The following CFAP65 variants were observed in gnomAD, a reference collection of about 807,000 sequenced individuals.
CFAP65 encodes cilia- and flagella-associated protein 65.
CFAP65 carries 155 observed loss-of-function variants against 208.0 expected under a neutral mutation model. That is an observed-to-expected ratio of 0.75 (90% CI 0.65 to 0.85). CFAP65 has a LOEUF of 0.85. CFAP65 is among the 40% of genes least tolerant of loss of function. The pLI, the probability that CFAP65 is intolerant of heterozygous loss-of-function variation, is 0.00. For synonymous variants in CFAP65, 970 were observed against 986.3 expected, an observed-to-expected ratio of 0.98 and a Z score of 0.31; for missense variants, 2,294 against 2,451.3, an observed-to-expected ratio of 0.94 and a Z score of 1.36.
Position 219,038,511 on chromosome 2 carries a change from G to A in CFAP65, c.221C>T (p.Ser74Phe). 1.2e-6 allele frequency: 2 copies of A among 1,614,182 alleles called. No individual in the cohort carries two copies. The change falls in exon 4 of 35, where the codon TCC (serine) becomes TTC (phenylalanine). Residue 74 changes from serine to phenylalanine, a missense_variant. This residue lies in a region of CFAP65 where 867 missense variants were observed against 1,012.6 expected (regional missense o/e 0.86). Coordinates refer to ENST00000341552, the MANE Select transcript of CFAP65 (RefSeq NM_194302.4). ...CCTGCTGTTCCTGGACCTCACGACG[G>A]AGCTTGGAGCCTGGGTGAGCATCAT... ...KDMMLTQAPS[S>F]VVRSRNSRNH...
At position 219,023,280 on chromosome 2, in the gene CFAP65, C is replaced by T. The variant is rs957357519; in HGVS notation, c.2747G>A (p.Arg916Lys). 2 of 1,613,210 alleles carry T rather than the reference C, an allele frequency of 1.2e-6. No homozygotes were observed. The highest frequency in any genetic ancestry group is 1.3e-5 in the African/African-American group (1 of 74,942). Reference sequence around the variant, plus strand: ...CAGCTTTCGATGCTGCTCAGAGACCCTCCACTCGAACTGCAGGGGCAGACG... The same window carrying T: ...CAGCTTTCGATGCTGCTCAGAGACCTTCCACTCGAACTGCAGGGGCAGACG... ...PSRLPLQFEW[R>K]VSEQHRKLLA... Residue 916 changes from arginine (R) to lysine (K), a missense_variant, in exon 16 of 35, where the codon AGG (arginine) becomes AAG (lysine). Arg to Lys is a conservative substitution (Grantham distance 26). Coordinates refer to ENST00000341552, the MANE Select transcript of CFAP65 (RefSeq NM_194302.4).
At position 219,013,849 on chromosome 2, in the gene CFAP65, T is replaced by C. The variant is rs775476097; in HGVS notation, c.3779+19A>G. 1.3e-6 allele frequency: 2 copies of C among 1,565,224 alleles called. No individual in the cohort carries two copies. Among genetic ancestry groups the C allele is most frequent in the Non-Finnish European group, 8.7e-7 (1 of 1,154,034 alleles). On this transcript the variant is annotated intron_variant, in intron 22 of 34. Transcript: ENST00000341552. ...CCTCTATGACTGGAAGTGCAGGGGG[T>C]TTGGGGGGTGGGGAACACCTGTATT...
Position 219,013,297 on chromosome 2 carries a change from TG to T in CFAP65, c.3918del (p.Phe1306LeufsTer26). 6.2e-7 allele frequency: 1 copy of T among 1,614,028 alleles called. No homozygotes were observed. The highest frequency in any genetic ancestry group is 8.5e-7 in the Non-Finnish European group (1 of 1,179,948). ...YVHFTSTTHQ[F>X]IPIPIGDTLP... ...AGCGTGTCACCAATGGGAATGGGGA[TG>T]AACTGGTGGGTAGTAGAGGTGAAGT... On this transcript the variant is annotated frameshift_variant, in exon 24 of 35. Coordinates refer to ENST00000341552, the MANE Select transcript of CFAP65 (RefSeq NM_194302.4). LOFTEE classifies it high-confidence loss of function.
rs111955935 is a variant in CFAP65, at chr2:219,010,784, G to A, written c.4149+21C>T. 469 of 1,593,660 alleles carry A rather than the reference G, an allele frequency of 2.9e-4. 1 individual carries two copies. The African/African-American group carries it at 3.6e-3, about 12-fold the overall frequency. On this transcript the variant is annotated intron_variant, in intron 25 of 34. Transcript: ENST00000341552. Reference sequence around the variant, plus strand: ...AAGCCAGCACCACCCCACCTCCCACGTCATCCAGGTTGCTGCTCACCGTGT... The same window carrying A: ...AAGCCAGCACCACCCCACCTCCCACATCATCCAGGTTGCTGCTCACCGTGT...
Position 219,007,870 on chromosome 2 carries a change from G to A in CFAP65, c.4674+1177C>T, listed in dbSNP as rs533634996. On this transcript the variant is annotated intron_variant, in intron 29 of 34. Transcript: ENST00000341552. The stretch of plus-strand genomic sequence containing the variant: ...CGCTCGCTCTGTCGCCCAGGCTGGA[G>A]TGCAGTGGTATGATCTCCGCTCACT... 1.1e-4 allele frequency among the ~76,000 whole-genome samples: 17 copies of A among 151,450 alleles called. No individual in the cohort carries two copies. In the South Asian group the frequency reaches 3.3e-3, roughly 30 times the overall value.
At chr2:219,029,733 A>T (rs113721090) in intron 10 of CFAP65, 65 bp from the exon 11 acceptor site, 1 of 1,568,052 alleles carries the variant, frequency 6.4e-7, no homozygotes, top group Non-Finnish European at 8.7e-7. Context: ...CACTGAAGGG[A>T]GGTGGTACTC....
chr2:219,019,448 G>A, intron 20 of CFAP65, 58 bp downstream of exon 20: 1 of 1,423,676 alleles, frequency 7.0e-7, no homozygotes, highest in Middle Eastern at 2.4e-4. Flanking sequence ...AAAGCTCCAT[G>A]AACATCCCTA....
At chr2:219,010,307 A>C (rs1218409829) in intron 26 of CFAP65, among the ~76,000 whole-genome samples, 1 of 152,146 alleles carries the variant, frequency 6.6e-6, no homozygotes, top group Non-Finnish European at 1.5e-5. Flanking sequence ...GCCCTGAGGC[A>C]GGTGGAGCGG....
intron 21 of CFAP65, chr2:219,018,464 C>G (rs552191649): frequency 3.9e-5 from 6 of 152,704 alleles, no homozygotes; most frequent in Admixed American, 2.6e-4. Context: ...TGCCCCCATT[C>G]AGGCCCAGCC....
Position 219,022,312 on chromosome 2 carries a change from GAA to G in CFAP65, c.2836_2837del (p.Phe946GlnfsTer73). 1 of 1,604,398 alleles carries G rather than the reference GAA, an allele frequency of 6.2e-7. No individual in the cohort carries two copies. The highest frequency in any genetic ancestry group is 1.1e-5 in the South Asian group (1 of 88,956). ...GGTACTTGGTCTCCTCCAAAGGGCT[GAA>G]GGTCCACGTCAGCGTCTGGGGTCAC... Reference protein sequence around the residue: ...PNERLTLTWTFSPLEETKYLF... With the variant: ...PNERLTLTWTXSPLEETKYLF... On this transcript the variant is annotated frameshift_variant, in exon 17 of 35. Transcript: ENST00000341552. LOFTEE classifies it high-confidence loss of function.
rs779857781 is a variant in CFAP65, at chr2:219,004,691, T to TG, written c.5052-237dup. Among the ~76,000 whole-genome samples the TG allele has an allele frequency of 6.6e-6, 1 of 152,006 alleles. No homozygotes were observed. The highest frequency in any genetic ancestry group is 1.5e-5 in the Non-Finnish European group (1 of 67,984). On this transcript the variant is annotated intron_variant, in intron 32 of 34. Transcript: ENST00000341552. This position sits in a 1 kb window ranked among gnomAD's most constrained non-coding sequence, Gnocchi z 4.7. ...GGGCAGGTCAGATTCACACACATGA[T>TG]GGGCAGGAACCCTGGGGAGATAGTG...
At chr2:219,038,828 C>T in intron 3 of CFAP65, 68 bp downstream of exon 3, 1 of 1,522,868 alleles carries the variant, frequency 6.6e-7, no homozygotes. Flanking sequence ...CCCCACTAGG[C>T]CCCTCCATGG....
Position 219,021,248 on chromosome 2 carries a change from G to C in CFAP65, c.3163C>G (p.Pro1055Ala). The change falls in exon 19 of 35, where the codon CCA (proline) becomes GCA (alanine). Residue 1055 changes from proline to alanine, a missense_variant. Transcript: ENST00000341552. ...LQLDRTEGSM[P>A]PRSQDTICLT... ...CAGATGGTGTCCTGGGACCGGGGTG[G>C]CATGCTCCCCTCTGTTCGGTCCAGC... The C allele has an allele frequency of 6.2e-7, 1 of 1,606,436 alleles. No homozygotes were observed. The highest frequency in any genetic ancestry group is 1.1e-5 in the South Asian group (1 of 89,332).
At chr2:219,005,708 G>C in intron 31 of CFAP65, 146 bp from the exon 32 acceptor site, 1 of 947,056 alleles carries the variant, frequency 1.1e-6, no homozygotes, top group Non-Finnish European at 1.6e-6. Context: ...GTGCTACTGG[G>C]TTCAGAGAAC....
At chr2:219,029,885 G>A (rs1446674588) in intron 10 of CFAP65, 101 bp downstream of exon 10, 1 of 1,256,632 alleles carries the variant, frequency 8.0e-7, no homozygotes, top group East Asian at 2.5e-5. Flanking sequence ...CCCAGGCTGA[G>A]GCAAGGTGGC....
chr2:219,031,925 CT>C lies in CFAP65; in HGVS notation c.646-268del, dbSNP rs5838715. 0.065 allele frequency among the ~76,000 whole-genome samples: 8,565 copies of C among 131,210 alleles called. 418 individuals are homozygous for C. The highest frequency in any genetic ancestry group is 0.17 in the African/African-American group (5,958 of 35,390). 86.1% of individuals were successfully genotyped at this position (131,210 alleles called of 152,430 possible). ...ATGTAGAAGGGGTTTCTTTTCTTTT[CT>C]TTTTTTTTTTTTTTTTTTGAGTCTC... is the stretch of plus-strand genomic sequence containing the variant. On this transcript the variant is annotated intron_variant, in intron 6 of 34. Transcript: ENST00000341552. The surrounding 1 kb of genome is among the most constrained non-coding windows in gnomAD (Gnocchi z 5.2).
chr2:219,028,497 G>C lies in CFAP65; in HGVS notation c.1651-96C>G, dbSNP rs1947808755. On this transcript the variant is annotated intron_variant, in intron 11 of 34. Coordinates refer to ENST00000341552, the MANE Select transcript of CFAP65 (RefSeq NM_194302.4). ...CTGAGGACAGAAGCTGGGCAGACAG[G>C]ATAACAGAGGCAGTGGGGCAGAAGC... 7 of 1,078,476 alleles carry C rather than the reference G, an allele frequency of 6.5e-6. No homozygotes were observed. In the South Asian group the frequency reaches 7.9e-5, roughly 12 times the overall value. The allele number at this position is 1,078,476 out of a possible 1,614,324, so 66.8% of individuals were successfully genotyped here. A position where few individuals can be genotyped will look rare whatever the true frequency, so the allele number is the denominator to read the frequency against.
At chr2:219,017,695 G>T (rs1346238037) in intron 21 of CFAP65, among the ~76,000 whole-genome samples, 1 of 152,240 alleles carries the variant, frequency 6.6e-6, no homozygotes, top group African/African-American at 2.4e-5. Context: ...TCCACAGAGA[G>T]TGTGAGCTGG....
chr2:219,019,846 C>T, intron 19 of CFAP65, 127 bp from the exon 20 acceptor site: 2 of 686,446 alleles, frequency 2.9e-6, no homozygotes, highest in Non-Finnish European at 2.6e-6. Context: ...GCAGTGGACC[C>T]CTCTCGGGCT....
Sources: allele counts gnomAD v4.1 joint callset (sites outside exome capture counted in the v4.1 genomes callset), GRCh38; gene constraint gnomAD v4.1.1; regional missense constraint gnomAD v4.1.1; non-coding constraint Gnocchi (gnomAD v3.1); transcripts MANE v1.5; gene names NCBI Gene and HGNC (gene_info 2026-07-23, HGNC 2026-07-21).